ADAMTSL1: variants seen among roughly 807,000 people sequenced by gnomAD.
ADAMTSL1 encodes the protein ADAMTS like 1.
Under a neutral mutation model 201.8 loss-of-function variants are expected in ADAMTSL1, and 126 were observed. The observed-to-expected ratio is 0.62, with a 90% CI of 0.54 to 0.72. The LOEUF is 0.72. Among genes scored for constraint, ADAMTSL1 ranks in the 30% least tolerant of loss-of-function variants. The probability of loss-of-function intolerance (pLI) is 0.00; values close to 1 mark genes in which losing one functional copy is unlikely to be tolerated. For synonymous variants in ADAMTSL1, 1,121 were observed against 903.4 expected (o/e 1.24, Z -4.32); for missense variants, 2,679 against 2,277.8 (o/e 1.18, Z -3.59).
At chr9:18,018,659 C>A (rs559479218) in intron 1 of ADAMTSL1, among the ~76,000 whole-genome samples, 13 of 152,156 alleles carry the variant, frequency 8.5e-5, no homozygotes, top group African/African-American at 1.9e-4. Flanking sequence ...CAATTAAACT[C>A]CCCACTCCCT....
At chr9:18,143,975 G>A (rs917288745) in intron 1 of ADAMTSL1, among the ~76,000 whole-genome samples, 2 of 152,122 alleles carry the variant, frequency 1.3e-5, no homozygotes, top group Non-Finnish European at 2.9e-5. Context: ...TGGTGGGAAC[G>A]TTTAACAACT....
At chr9:18,867,905 C>T (rs1588271970) in intron 23 of ADAMTSL1, among the ~76,000 whole-genome samples, 1 of 152,278 alleles carries the variant, frequency 6.6e-6, no homozygotes. Flanking sequence ...GGATTACAGG[C>T]GTGAGCCACC....
At chr9:18,119,181 G>T (rs1450863763) in intron 1 of ADAMTSL1, among the ~76,000 whole-genome samples, 3 of 152,154 alleles carry the variant, frequency 2.0e-5, no homozygotes, top group African/African-American at 7.2e-5. Context: ...GATGTAAGAA[G>T]TTGTTATTAT....
At chr9:18,427,699 G>C (rs1353021265) in intron 2 of ADAMTSL1, among the ~76,000 whole-genome samples, 2 of 152,204 alleles carry the variant, frequency 1.3e-5, no homozygotes, top group African/African-American at 4.8e-5. Context: ...CTGCCTTGAG[G>C]CTTGAAGCTT....
At chr9:17,931,255 G>T (rs1826771955) in intron 1 of ADAMTSL1, among the ~76,000 whole-genome samples, 3 of 152,208 alleles carry the variant, frequency 2.0e-5, no homozygotes, top group South Asian at 4.1e-4. Flanking sequence ...GCAGAAATTC[G>T]AGCCCGGGTG....
In ADAMTSL1 at chr9:17,925,362, C is replaced by T. The variant is rs1826481844; in HGVS notation, c.87+18440C>T. Among the ~76,000 whole-genome samples the T allele has an allele frequency of 1.7e-5, 2 of 120,030 alleles. 1 individual carries two copies. The highest frequency in any genetic ancestry group is 3.6e-5 in the Non-Finnish European group (2 of 55,128). The allele number at this position is 120,030 out of a possible 152,430, so 78.7% of individuals were successfully genotyped here. ...CAGCCATCCCATTACTGAGTATATACCCATATGACTATAAATCATGCTGCT... is the reference window on the plus strand; with the variant it reads ...CAGCCATCCCATTACTGAGTATATATCCATATGACTATAAATCATGCTGCT... On this transcript the variant is annotated intron_variant, in intron 1 of 29. Coordinates refer to the ADAMTSL1 transcript ENST00000680146.
chr9:18,585,638 A>G (rs1298884092), intron 4 of ADAMTSL1, among the ~76,000 whole-genome samples: 1 of 152,138 alleles, frequency 6.6e-6, no homozygotes, highest in Admixed American at 6.5e-5. Flanking sequence ...CCTGGCAGAG[A>G]GAGACACAAC....
intron 1 of ADAMTSL1, among the ~76,000 whole-genome samples, chr9:17,932,881 T>C (rs72695937): frequency 0.016 from 2,493 of 152,298 alleles, 30 homozygotes; most frequent in Middle Eastern, 0.082. Context: ...CATGACCAGA[T>C]ATATGATTAT....
At chr9:18,640,092 G>A (rs1217672852) in intron 7 of ADAMTSL1, among the ~76,000 whole-genome samples, 3 of 152,148 alleles carry the variant, frequency 2.0e-5, no homozygotes, top group Non-Finnish European at 4.4e-5. Context: ...ATGGGACCTG[G>A]AGCCAGAGGA....
At chr9:18,606,816 G>A (rs1175206443) in intron 4 of ADAMTSL1, among the ~76,000 whole-genome samples, 6 of 152,106 alleles carry the variant, frequency 3.9e-5, no homozygotes, top group African/African-American at 1.4e-4. Context: ...TTTGGTAAGT[G>A]AGAACCATCC....
intron 1 of ADAMTSL1, among the ~76,000 whole-genome samples, chr9:17,980,030 A>G (rs141943323): frequency 6.6e-6 from 1 of 152,166 alleles, no homozygotes; most frequent in East Asian, 1.9e-4. Flanking sequence ...GTCACTGGTA[A>G]AGTTTTGTGC....
intron 1 of ADAMTSL1, among the ~76,000 whole-genome samples, chr9:17,945,684 G>A (rs1827436063): frequency 6.6e-6 from 1 of 152,030 alleles, no homozygotes. Flanking sequence ...GATGAGATTG[G>A]AAATCATCAT....
chr9:18,300,758 G>A (rs1274858735), intron 2 of ADAMTSL1, among the ~76,000 whole-genome samples: 1 of 152,102 alleles, frequency 6.6e-6, no homozygotes, highest in Non-Finnish European at 1.5e-5. Context: ...CTGAGATTAA[G>A]GCAAAGGGAA....
At chr9:18,418,835 A>T (rs556713911) in intron 2 of ADAMTSL1, among the ~76,000 whole-genome samples, 8 of 152,222 alleles carry the variant, frequency 5.3e-5, no homozygotes, top group Non-Finnish European at 1.0e-4. Flanking sequence ...TATAGACACA[A>T]TCTGATTCTA....
intron 2 of ADAMTSL1, among the ~76,000 whole-genome samples, chr9:18,327,299 C>G (rs1004112682): frequency 6.6e-6 from 1 of 152,198 alleles, no homozygotes; most frequent in Non-Finnish European, 1.5e-5. Context: ...TATGGTTATG[C>G]TACTCTTGAC....
upstream of ADAMTSL1, among the ~76,000 whole-genome samples, chr9:18,471,107 T>C (rs1392973018): frequency 6.6e-6 from 1 of 152,132 alleles, no homozygotes; most frequent in African/African-American, 2.4e-5. Flanking sequence ...GTTTTAGAAA[T>C]GAGAAAGTCA....
chr9:18,905,726 G>C, intron 26 of ADAMTSL1, 56 bp from the exon 27 acceptor site: 2 of 1,413,960 alleles, frequency 1.4e-6, no homozygotes, highest in Non-Finnish European at 2.0e-6. Flanking sequence ...CAAGCACGGC[G>C]GCCTCCACCC....
At chr9:18,366,913 A>G (rs1836793797) in intron 2 of ADAMTSL1, among the ~76,000 whole-genome samples, 2 of 152,000 alleles carry the variant, frequency 1.3e-5, no homozygotes, top group African/African-American at 4.8e-5. Flanking sequence ...CAGCCCCATC[A>G]CCAACCATTT....
chr9:18,031,892 C>A (rs537895881), intron 1 of ADAMTSL1, among the ~76,000 whole-genome samples: 89 of 152,252 alleles, frequency 5.8e-4, no homozygotes, highest in Non-Finnish European at 1.2e-3. Context: ...ATACAGGGGT[C>A]AAAGGCACAT....
Sources: gnomAD v4.1 joint callset for allele counts (sites outside exome capture counted in the v4.1 genomes callset) on GRCh38, gnomAD v4.1.1 for gene constraint, MANE v1.5 for transcripts, NCBI Gene and HGNC (gene_info 2026-07-23, HGNC 2026-07-21) for gene names.